Variants in DOCK1 observed in about 807,000 individuals in gnomAD.
DOCK1 encodes dedicator of cytokinesis protein 1.
In DOCK1, 138 loss-of-function variants were observed where a neutral mutation model predicts 262.7. That is an observed-to-expected ratio of 0.53 (90% CI 0.46 to 0.61). DOCK1 has a LOEUF of 0.61. Ranked by LOEUF, DOCK1 falls within the 20% of genes least tolerant of loss-of-function variation. The pLI, the probability that DOCK1 is intolerant of heterozygous loss-of-function variation, is 0.00. For synonymous variants in DOCK1, 866 were observed against 867.4 expected (o/e 1.00, Z 0.03); for missense variants, 1,908 against 2,370.7 (o/e 0.80, Z 4.05).
At chr10:127,285,087 G>C (rs1040183071) in intron 29 of DOCK1, among the ~76,000 whole-genome samples, 1 of 150,934 alleles carries the variant, frequency 6.6e-6, no homozygotes, top group Admixed American at 6.6e-5. Context: ...GCAGTGAGTC[G>C]TGATCGTGCC....
At chr10:127,074,507 CTT>C (rs1209442538) in intron 23 of DOCK1, among the ~76,000 whole-genome samples, 2 of 152,090 alleles carry the variant, frequency 1.3e-5, no homozygotes, top group African/African-American at 4.8e-5. Flanking sequence ...GAATGTGACA[CTT>C]TTATAATTCA....
chr10:126,927,078 A>C (rs1018744661), intron 1 of DOCK1, among the ~76,000 whole-genome samples: 1 of 152,200 alleles, frequency 6.6e-6, no homozygotes, highest in East Asian at 1.9e-4. Context: ...GGCGCCCTGC[A>C]TCTTGTCTTA....
chr10:127,267,430 C>T (rs1246584210), intron 29 of DOCK1, among the ~76,000 whole-genome samples: 2 of 152,134 alleles, frequency 1.3e-5, no homozygotes, highest in Non-Finnish European at 2.9e-5. Context: ...TGCACATAGC[C>T]TAGATATTTT....
At chr10:127,119,471 T>C (rs1216356733) in intron 25 of DOCK1, among the ~76,000 whole-genome samples, 3 of 152,250 alleles carry the variant, frequency 2.0e-5, no homozygotes, top group African/African-American at 7.2e-5. Context: ...CTGCGATTCC[T>C]TCCAGTGTCG....
intron 50 of DOCK1, 89 bp downstream of exon 50, chr10:127,444,368 C>T (rs2070391879): frequency 9.8e-6 from 14 of 1,431,890 alleles, no homozygotes; most frequent in Non-Finnish European, 1.3e-5. Context: ...CGCTTCCTCC[C>T]TCCCCTTGCA....
At chr10:127,228,557 A>G (rs1055987691) in intron 27 of DOCK1, among the ~76,000 whole-genome samples, 2 of 152,138 alleles carry the variant, frequency 1.3e-5, no homozygotes, top group African/African-American at 4.8e-5. Flanking sequence ...AGCCTTTGCC[A>G]TGTCTTTTGA....
chr10:127,178,574 G>A (rs1363355474), intron 27 of DOCK1, among the ~76,000 whole-genome samples: 3 of 152,204 alleles, frequency 2.0e-5, no homozygotes, highest in East Asian at 3.9e-4. Context: ...GATGCCTCGG[G>A]CTCTTGTTCG....
intron 31 of DOCK1, among the ~76,000 whole-genome samples, chr10:127,352,215 G>A (rs867871603): frequency 3.8e-5 from 4 of 106,390 alleles, no homozygotes; most frequent in Non-Finnish European, 7.8e-5. Flanking sequence ...GAGAGGTGGG[G>A]AGCATCGGGG....
chr10:127,422,410 C>G (rs1368852786), intron 46 of DOCK1, among the ~76,000 whole-genome samples: 1 of 151,964 alleles, frequency 6.6e-6, no homozygotes, highest in Non-Finnish European at 1.5e-5. Flanking sequence ...CGTGATCCGC[C>G]CACCTCAGCC....
chr10:127,230,361 GT>G (rs1022831258), intron 27 of DOCK1, among the ~76,000 whole-genome samples: 1 of 151,676 alleles, frequency 6.6e-6, no homozygotes, highest in Non-Finnish European at 1.5e-5. Context: ...ATTTCAAGAG[GT>G]TTTTTTTCTT....
At chr10:127,333,076 T>A (rs2063052905) in intron 29 of DOCK1, among the ~76,000 whole-genome samples, 1 of 152,130 alleles carries the variant, frequency 6.6e-6, no homozygotes, top group South Asian at 2.1e-4. Context: ...GAGGAATGTG[T>A]CACTTTTAAT....
At chr10:126,951,940 C>T (rs1425773454) in intron 1 of DOCK1, among the ~76,000 whole-genome samples, 2 of 151,394 alleles carry the variant, frequency 1.3e-5, no homozygotes, top group Non-Finnish European at 2.9e-5. Context: ...ACCTCCGCCT[C>T]CTGGGTTCAA....
chr10:127,386,056 T>G (rs7090055), intron 38 of DOCK1, among the ~76,000 whole-genome samples: 114,766 of 152,056 alleles, frequency 0.75, 43,500 homozygotes, highest in African/African-American at 0.84. Flanking sequence ...TGCCCGGGAG[T>G]GATGATGGCT....
chr10:127,414,352 G>A (rs896728037), intron 43 of DOCK1, among the ~76,000 whole-genome samples: 4 of 152,198 alleles, frequency 2.6e-5, no homozygotes, highest in Admixed American at 6.5e-5. Context: ...CAGTACGAAC[G>A]AGGCAGTAGG....
chr10:127,045,533 C>G (rs563746771), intron 21 of DOCK1, among the ~76,000 whole-genome samples: 19 of 152,342 alleles, frequency 1.2e-4, no homozygotes, highest in African/African-American at 4.6e-4. Context: ...TAGGTACAGG[C>G]TTACTTTAGA....
chr10:126,948,401 G>T (rs1202864237), intron 1 of DOCK1, among the ~76,000 whole-genome samples: 1 of 73,506 alleles, frequency 1.4e-5, no homozygotes, highest in African/African-American at 7.1e-5. Context: ...GTGGTTGGTA[G>T]TATTACTGTT....
intron 18 of DOCK1, among the ~76,000 whole-genome samples, chr10:127,034,921 C>A (rs753795184): frequency 6.6e-6 from 1 of 152,180 alleles, no homozygotes; most frequent in Admixed American, 6.5e-5. Context: ...GGCAATCCCT[C>A]CTTTCACCCT....
intron 1 of DOCK1, among the ~76,000 whole-genome samples, chr10:126,917,538 C>T (rs1303923820): frequency 1.3e-5 from 2 of 152,164 alleles, no homozygotes; most frequent in African/African-American, 4.8e-5. Context: ...GGTCCCCGGT[C>T]ACAGTCTGCA....
intron 1 of DOCK1, among the ~76,000 whole-genome samples, chr10:126,969,200 C>T (rs1287827949): frequency 3.9e-5 from 6 of 152,216 alleles, no homozygotes; most frequent in South Asian, 2.1e-4. Context: ...GGTCAGTATC[C>T]GGTCCTTATT....
Sources: allele counts gnomAD v4.1 joint callset (sites outside exome capture counted in the v4.1 genomes callset), GRCh38; gene constraint gnomAD v4.1.1; transcripts MANE v1.5; gene names NCBI Gene and HGNC (gene_info 2026-07-23, HGNC 2026-07-21).